Variants in MKI67 observed in about 807,000 individuals in gnomAD.
MKI67 encodes the protein proliferation marker protein Ki-67.
In MKI67, 152 loss-of-function variants were observed where a neutral mutation model predicts 233.5. That is an observed-to-expected ratio of 0.65 (90% CI 0.57 to 0.74). The LOEUF (loss-of-function observed/expected upper bound fraction) is 0.74. MKI67 is among the 30% of genes least tolerant of loss of function. The pLI is 0.00. For missense variants in MKI67, 3,940 were observed against 3,885.2 expected, an observed-to-expected ratio of 1.01 and a Z score of -0.37; for synonymous variants, 1,465 against 1,418.5, an observed-to-expected ratio of 1.03 and a Z score of -0.74.
rs376362211 is a variant in MKI67, at chr10:128,122,901, A to C, written c.267T>G (p.Thr89=). 1 of 1,578,752 alleles carries C rather than the reference A, an allele frequency of 6.3e-7. No homozygotes were observed. The highest frequency in any genetic ancestry group is 8.7e-7 in the Non-Finnish European group (1 of 1,154,398). Residue 89 remains threonine (T), a synonymous_variant, in exon 4 of 15, where the codon ACT becomes ACG. Coordinates refer to ENST00000368654, the MANE Select transcript of MKI67 (RefSeq NM_002417.5). ...PVRLKHGDVI[T]IIDRSFRYEN... is the part of the protein sequence containing the mutation. The stretch of plus-strand genomic sequence containing the variant: ...CCTACCTGAAGGAACGATCAATAAT[A>C]GTTATTACATCTCCATGTTTTAGCC...
Position 128,125,526 on chromosome 10 carries a change from T to G in MKI67, c.92+50A>C. ...TCTGGACTTTATTCTGTGACTAAGG[T>G]ATTTTCCTCTTTCTCAGCTAAAACG... On this transcript the variant is annotated intron_variant, in intron 2 of 14. Coordinates refer to ENST00000368654, the MANE Select transcript of MKI67 (RefSeq NM_002417.5). This position sits in a 1 kb window ranked among gnomAD's most constrained non-coding sequence, Gnocchi z 5.3. The G allele has an allele frequency of 7.0e-7, 1 of 1,431,118 alleles. No individual in the cohort carries two copies. 88.7% of individuals were successfully genotyped at this position (1,431,118 alleles called of 1,614,324 possible).
chr10:128,119,360 A>G (rs368817490), intron 4 of MKI67, 41 bp from the exon 5 acceptor site: 10 of 1,436,958 alleles, frequency 7.0e-6, no homozygotes, highest in Admixed American at 1.7e-5. Context: ...TTAAAAATTT[A>G]TACCCTGGGG....
In MKI67 at chr10:128,108,738, C is replaced by G. The variant is rs138126066; in HGVS notation, c.3102G>C (p.Val1034=). The change falls in exon 13 of 15, where the codon GTG becomes GTC. Residue 1034 remains valine, a synonymous_variant. Transcript: ENST00000368654. ...TGCCGACTGCTAGGAGCTCTTCTTTCACACCTACTTTCCCCAGGGATGCCT... is the reference window on the plus strand; with the variant it reads ...TGCCGACTGCTAGGAGCTCTTCTTTGACACCTACTTTCCCCAGGGATGCCT... ...QLKASLGKVG[V]KEELLAVGKF... is the part of the protein sequence containing the mutation. 1.2e-6 allele frequency: 2 copies of G among 1,614,206 alleles called. No individual in the cohort carries two copies. Among genetic ancestry groups the G allele is most frequent in the Non-Finnish European group, 1.7e-6 (2 of 1,180,020 alleles).
rs1852272437 is a variant in MKI67, at chr10:128,098,890, C to A, written c.*300G>T. On this transcript the variant is annotated 3_prime_UTR_variant, in exon 15 of 15. Coordinates refer to ENST00000368654, the MANE Select transcript of MKI67 (RefSeq NM_002417.5). ...GTGGCAAGTGTCACAGTTAAGGCTG[C>A]TGTAGGGTGGCTGTGGGTGGTGACA... 2 of 245,474 alleles carry A rather than the reference C, an allele frequency of 8.1e-6. No homozygotes were observed. The highest frequency in any genetic ancestry group is 1.6e-5 in the Non-Finnish European group (2 of 127,790). The allele number at this position is 245,474 out of a possible 1,614,324, so 15.2% of individuals were successfully genotyped here. A position where few individuals can be genotyped will look rare whatever the true frequency, so the allele number is the denominator to read the frequency against.
Position 128,099,213 on chromosome 10 carries a change from G to C in MKI67, c.9748C>G (p.His3250Asp). ...TGTCAAATATCTTCACTGTCCCTAT[G>C]ACTTCTGGTTCTTATTTTCTTGACA... ...VCVKKIRTRS[H>D]RDSEDI The change falls in exon 15 of 15, where the codon CAT becomes GAT. Residue 3250 changes from histidine to aspartate, a missense_variant. Physicochemically the swap from His to Asp is moderately conservative, Grantham distance 81. Coordinates refer to ENST00000368654, the MANE Select transcript of MKI67 (RefSeq NM_002417.5). 6.2e-7 allele frequency: 1 copy of C among 1,613,100 alleles called. No individual in the cohort carries two copies. The highest frequency in any genetic ancestry group is 1.7e-5 in the Admixed American group (1 of 59,906).
rs771084759 is a variant in MKI67 at position 128,104,369 on chromosome 10, T to G, written c.7471A>C (p.Met2491Leu). ...RLKIPLVKVDMKEEPLAVSKL... is the reference protein window; with the variant it reads ...RLKIPLVKVDLKEEPLAVSKL... ...CTGACTGCTAGGGGCTCTTCTTTCATGTCCACTTTCACCAGGGGTATCTTG... is the reference window on the plus strand; with the variant it reads ...CTGACTGCTAGGGGCTCTTCTTTCAGGTCCACTTTCACCAGGGGTATCTTG... The change falls in exon 13 of 15, where the codon ATG (methionine) becomes CTG (leucine). Residue 2491 changes from methionine (M) to leucine (L), a missense_variant. Met to Leu is a conservative substitution (Grantham distance 15). Transcript: ENST00000368654. The G allele has an allele frequency of 3.1e-6, 5 of 1,614,110 alleles. No individual in the cohort carries two copies. Among genetic ancestry groups the G allele is most frequent in the Non-Finnish European group, 4.2e-6 (5 of 1,180,056 alleles).
intron 11 of MKI67, 72 bp downstream of exon 11, chr10:128,111,573 G>T: frequency 1.1e-4 from 115 of 1,055,492 alleles, no homozygotes; most frequent in Middle Eastern, 2.4e-4. Flanking sequence ...AACAAAGTTA[G>T]CAAAACAAAC....
chr10:128,108,223 C>G lies in MKI67; in HGVS notation c.3617G>C (p.Gly1206Ala), dbSNP rs1590304703. The change falls in exon 13 of 15, where the codon GGC (glycine) becomes GCC (alanine). Residue 1206 changes from glycine to alanine, a missense_variant. Gly to Ala is a moderately conservative substitution (Grantham distance 60). Coordinates refer to ENST00000368654, the MANE Select transcript of MKI67 (RefSeq NM_002417.5). ...QKLDLAGTLP[G>A]SKRQLQTPKE... ...AGGAGTCTGTAGCTGTCTTTTGCTG[C>G]CAGGTAAAGTTCCTGCCAGGTCCAG... 6.2e-7 allele frequency: 1 copy of G among 1,613,268 alleles called. No homozygotes were observed. The highest frequency in any genetic ancestry group is 1.3e-5 in the African/African-American group (1 of 74,702).
Position 128,101,275 on chromosome 10 carries a change from C to T in MKI67, c.9688G>A (p.Ala3230Thr). 6.2e-7 allele frequency: 1 copy of T among 1,609,824 alleles called. No homozygotes were observed. Among genetic ancestry groups the T allele is most frequent in the East Asian group, 2.2e-5 (1 of 44,794 alleles). The change falls in exon 14 of 15, where the codon GCA (alanine) becomes ACA (threonine). Residue 3230 changes from alanine to threonine, a missense_variant. Transcript: ENST00000368654. ...QRVTRSVKRC[A>T]ENPKKAEDNV... ...TGGCTTACCTTCTTTGGATTTTCTG[C>T]ACACCTCTTGACACTCCGCGTTACT... is the stretch of plus-strand genomic sequence containing the variant.
In MKI67 at chr10:128,112,404, T is replaced by G. The variant is rs1040213078; in HGVS notation, c.1698A>C (p.Glu566Asp). Reference sequence around the variant, plus strand: ...TTTGTGCCTTCACTTCCACATGGATTTCTGAACCTGACTCTTGTTTTCCTG... The same window carrying G: ...TTTGTGCCTTCACTTCCACATGGATGTCTGAACCTGACTCTTGTTTTCCTG... ...QPSGKQESGSEIHVEVKAQSL... is the reference protein window; with the variant it reads ...QPSGKQESGSDIHVEVKAQSL... Residue 566 changes from glutamate to aspartate, a missense_variant, in exon 9 of 15, where the codon GAA becomes GAC. Transcript: ENST00000368654. 3 of 1,614,074 alleles carry G rather than the reference T, an allele frequency of 1.9e-6. No homozygotes were observed. In the African/African-American group the frequency reaches 4.0e-5, roughly 22 times the overall value.
In MKI67 at chr10:128,115,622, T is replaced by C; in HGVS notation, c.786A>G (p.Arg262=). Residue 262 remains arginine (R), a synonymous_variant, in exon 7 of 15, where the codon AGA becomes AGG. Coordinates refer to ENST00000368654, the MANE Select transcript of MKI67 (RefSeq NM_002417.5). ...CGTAATCAGTTTGTAATCCAGATTT[T>C]CTACAATACTGTAGGACATTTTCTT... ...SQKENVLQYC[R]KSGLQTDYAT... 6.2e-7 allele frequency: 1 copy of C among 1,614,132 alleles called. No individual in the cohort carries two copies. Among genetic ancestry groups the C allele is most frequent in the Non-Finnish European group, 8.5e-7 (1 of 1,180,004 alleles).
intron 7 of MKI67, among the ~76,000 whole-genome samples, chr10:128,114,005 G>A (rs897144074): frequency 2.0e-5 from 3 of 152,134 alleles, no homozygotes; most frequent in Admixed American, 6.6e-5. Flanking sequence ...ACTCCTCCAG[G>A]TGGTTCTGAG....
At chr10:128,111,872 T>C (rs1852686323) in intron 10 of MKI67, 55 bp downstream of exon 10, 34 of 1,607,046 alleles carry the variant, frequency 2.1e-5, no homozygotes, top group Non-Finnish European at 2.8e-5. Context: ...CCACACTGAA[T>C]GCAAGCTTCG....
chr10:128,102,653 C>G lies in MKI67; in HGVS notation c.9187G>C (p.Glu3063Gln), dbSNP rs542413191. 5.1e-5 allele frequency: 82 copies of G among 1,614,226 alleles called. No individual in the cohort carries two copies. In the East Asian group the frequency reaches 1.7e-3, roughly 34 times the overall value. ...TTCATGTCGTTGCTGTTCAGCTCTT[C>G]CGCAGGTTCAATTCTTTTTGCAGAA... Reference protein sequence around the residue: ...RTSAKRIEPAEELNSNDMKTN... With the variant: ...RTSAKRIEPAQELNSNDMKTN... Residue 3063 changes from glutamate to glutamine, a missense_variant, in exon 13 of 15, where the codon GAA (glutamate) becomes CAA (glutamine). Glu to Gln is a conservative substitution (Grantham distance 29). Transcript: ENST00000368654.
In MKI67 at chr10:128,101,543, G is replaced by T; in HGVS notation, c.9420C>A (p.Ala3140=). 7 of 1,614,132 alleles carry T rather than the reference G, an allele frequency of 4.3e-6. No individual in the cohort carries two copies. Among genetic ancestry groups the T allele is most frequent in the Non-Finnish European group, 5.9e-6 (7 of 1,180,034 alleles). Residue 3140 remains alanine (A), a synonymous_variant, in exon 14 of 15, where the codon GCC becomes GCA. Coordinates refer to ENST00000368654, the MANE Select transcript of MKI67 (RefSeq NM_002417.5). ...EMDIQNPDDG[A]RKPIPRDKVT... ...CTTTGTCTCTAGGTATGGGTTTCCG[G>T]GCTCCATCATCTGGATTCTGAATGT... is the stretch of plus-strand genomic sequence containing the variant.
intron 12 of MKI67, among the ~76,000 whole-genome samples, 197 bp from the exon 13 acceptor site, chr10:128,109,620 T>C (rs2857027): frequency 0.064 from 9,722 of 152,286 alleles, 421 homozygotes; most frequent in Non-Finnish European, 0.1. Context: ...GGTGCTATAG[T>C]GGGGTCATCA....
rs531120194 is a variant in MKI67 at position 128,109,568 on chromosome 10, C to T, written c.2417-145G>A. On this transcript the variant is annotated intron_variant, in intron 12 of 14. Transcript: ENST00000368654. ...TGAGGCTACTTATGTGTCTATAAAT[C>T]TGTCTTATAAGAGCCATGCACAATT... 1.2e-3 allele frequency: 1,087 copies of T among 897,600 alleles called. 2 individuals carry two copies. The highest frequency in any genetic ancestry group is 1.4e-3 in the Non-Finnish European group (844 of 608,030). 55.6% of individuals were successfully genotyped at this position (897,600 alleles called of 1,614,324 possible). A position where few individuals can be genotyped will look rare whatever the true frequency, so the allele number is the denominator to read the frequency against.
At position 128,104,505 on chromosome 10, in the gene MKI67, C is replaced by T; in HGVS notation, c.7335G>A (p.Gln2445=). 6.2e-7 allele frequency: 1 copy of T among 1,614,070 alleles called. No homozygotes were observed. The highest frequency in any genetic ancestry group is 8.5e-7 in the Non-Finnish European group (1 of 1,180,026). ...EDLVGFKELF[Q]TPGHTEESMT... ...TTGATTCCTCAGTGTGACCTGGTGT[C>T]TGGAAGAGTTCTTTGAAGCCAACCA... is the stretch of plus-strand genomic sequence containing the variant. The change falls in exon 13 of 15, where the codon CAG becomes CAA. Residue 2445 remains glutamine (Q), a synonymous_variant. Transcript: ENST00000368654.
chr10:128,114,865 C>G, intron 7 of MKI67, 63 bp downstream of exon 7: 1 of 1,432,786 alleles, frequency 7.0e-7, no homozygotes, highest in Non-Finnish European at 9.4e-7. Context: ...GAATGAAGGT[C>G]TCACAGCTAC....
Sources: gnomAD v4.1 joint callset for allele counts (sites outside exome capture counted in the v4.1 genomes callset) on GRCh38, gnomAD v4.1.1 for gene constraint, Gnocchi (gnomAD v3.1) non-coding constraint, MANE v1.5 for transcripts, NCBI Gene and HGNC (gene_info 2026-07-23, HGNC 2026-07-21) for gene names.